The following TENM1 variants were observed in gnomAD, a reference collection of about 807,000 sequenced individuals.
TENM1 encodes the protein teneurin transmembrane protein 1, also known as teneurin-1.
Under a neutral mutation model 174.8 loss-of-function variants are expected in TENM1, and 35 were observed. The observed-to-expected ratio is 0.20, with a 90% CI of 0.15 to 0.27. The LOEUF (loss-of-function observed/expected upper bound fraction) is 0.27, where lower values mean the gene tolerates loss of function less well. Ranked by LOEUF, TENM1 falls within the 10% of genes least tolerant of loss-of-function variation. The pLI is 1.00. For synonymous variants in TENM1, 781 were observed against 798.7 expected (o/e 0.98, Z 0.37); for missense variants, 1,633 against 2,130.1 (o/e 0.77, Z 4.59).
chrX:124,767,314 T>C (rs1292134242), intron 3 of TENM1, among the ~76,000 whole-genome samples: 1 of 111,564 alleles, frequency 9.0e-6, no homozygotes, highest in East Asian at 2.8e-4. Context: ...AACATTATCA[T>C]GAGTATTTGT....
At chrX:124,972,627 A>G in the TENM1 span, among the ~76,000 whole-genome samples, 1 of 112,325 alleles carries the variant, frequency 8.9e-6, no homozygotes, top group East Asian at 2.8e-4. Flanking sequence ...GTCTGATTTT[A>G]TCATGGAATT....
At chrX:124,501,763 T>C (rs1195024470) in intron 19 of TENM1, among the ~76,000 whole-genome samples, 1 of 111,384 alleles carries the variant, frequency 9.0e-6, no homozygotes, top group Admixed American at 9.6e-5. Context: ...TCCATCACAC[T>C]TATCATTCCT....
the TENM1 span, among the ~76,000 whole-genome samples, chrX:124,992,414 CCTT>C: frequency 9.0e-6 from 1 of 111,188 alleles, no homozygotes; most frequent in Non-Finnish European, 1.9e-5. Flanking sequence ...TTCTCTCTGA[CCTT>C]CTCCTGCCCT....
At chrX:124,936,996 C>T (rs1001986458) in intron 1 of TENM1, among the ~76,000 whole-genome samples, 3 of 107,354 alleles carry the variant, frequency 2.8e-5, no homozygotes, top group African/African-American at 6.9e-5. Flanking sequence ...CAGTGAACCA[C>T]GATCACGCCA....
intron 3 of TENM1, among the ~76,000 whole-genome samples, chrX:124,771,510 A>G (rs2054653381): frequency 1.8e-5 from 2 of 112,576 alleles, no homozygotes; most frequent in Non-Finnish European, 1.9e-5. Flanking sequence ...TAACTTCAAG[A>G]AGGAATTATG....
chrX:124,432,811 T>C lies in TENM1; in HGVS notation c.4105-10173A>G, dbSNP rs188689087. 4.4e-3 allele frequency among the ~76,000 whole-genome samples: 488 copies of C among 111,897 alleles called. 2 individuals carry two copies. Among genetic ancestry groups the C allele is most frequent in the Non-Finnish European group, 7.5e-3 (397 of 53,210 alleles). ...TGCAATTATCTGTAGTCAAGTGAAGTTCCAGGCAATAATATGTAAGAGGAA... is the reference window on the plus strand; with the variant it reads ...TGCAATTATCTGTAGTCAAGTGAAGCTCCAGGCAATAATATGTAAGAGGAA... On this transcript the variant is annotated intron_variant, in intron 23 of 31. Coordinates refer to ENST00000422452, the Ensembl canonical transcript of TENM1.
chrX:125,042,275 G>C, the TENM1 span, among the ~76,000 whole-genome samples: 1 of 111,642 alleles, frequency 9.0e-6, no homozygotes, highest in Non-Finnish European at 1.9e-5. Context: ...CTAGAGGTTT[G>C]AATCAGGCTT....
intron 11 of TENM1, among the ~76,000 whole-genome samples, chrX:124,592,758 T>G (rs2049789414): frequency 1.5e-5 from 1 of 64,781 alleles, no homozygotes; most frequent in Non-Finnish European, 2.7e-5. Context: ...GCCTTACTGT[T>G]TTTTTTTTTT....
chrX:124,739,401 C>T (rs1323207345), intron 3 of TENM1, among the ~76,000 whole-genome samples: 5 of 111,726 alleles, frequency 4.5e-5, no homozygotes, highest in African/African-American at 6.5e-5. Flanking sequence ...ATGAGAAACC[C>T]AAGACCCAAA....
At chrX:125,059,130 A>AT in the TENM1 span, among the ~76,000 whole-genome samples, 1 of 109,940 alleles carries the variant, frequency 9.1e-6, no homozygotes, top group African/African-American at 3.3e-5. Context: ...TGAAAAAGGA[A>AT]TGAAATTGCC....
chrX:125,012,723 A>C, the TENM1 span, among the ~76,000 whole-genome samples: 2 of 112,163 alleles, frequency 1.8e-5, no homozygotes, highest in Non-Finnish European at 3.8e-5. Context: ...AATGTGAATT[A>C]GCTTTTGTTA....
upstream of TENM1, among the ~76,000 whole-genome samples, chrX:124,965,695 CAT>C (rs762218966): frequency 0.13 from 13,938 of 107,780 alleles, 2,266 homozygotes; most frequent in African/African-American, 0.44. Context: ...TGAACATATA[CAT>C]ATATATATAT....
chrX:124,549,616 G>A (rs965874826), intron 14 of TENM1, among the ~76,000 whole-genome samples: 3 of 111,324 alleles, frequency 2.7e-5, no homozygotes, highest in African/African-American at 9.8e-5. Context: ...TACATTCCAA[G>A]CTAATGTTTC....
intron 11 of TENM1, among the ~76,000 whole-genome samples, chrX:124,637,215 G>A (rs183010128): frequency 1.6e-3 from 171 of 109,018 alleles, no homozygotes; most frequent in Admixed American, 0.015. Context: ...TCAGCCTCCC[G>A]AGTAGATGGG....
At chrX:124,514,077 T>C (rs1348517607) in intron 18 of TENM1, among the ~76,000 whole-genome samples, 1 of 111,278 alleles carries the variant, frequency 9.0e-6, no homozygotes, top group Non-Finnish European at 1.9e-5. Context: ...ATATTGGTGG[T>C]AGTTGTACAA....
At chrX:124,420,477 A>G in exon 25 of TENM1, 7 of 1,212,251 alleles carry the variant, frequency 5.8e-6, no homozygotes, top group Non-Finnish European at 7.8e-6. Context: ...ACCACAAGCC[A>G]TAGCGGCATT....
intron 3 of TENM1, among the ~76,000 whole-genome samples, chrX:124,750,326 T>G (rs900265222): frequency 2.7e-5 from 3 of 111,308 alleles, no homozygotes; most frequent in African/African-American, 9.8e-5. Context: ...GCTAATCATT[T>G]CTGGGGGGAA....
intron 22 of TENM1, among the ~76,000 whole-genome samples, chrX:124,465,288 G>T (rs898176379): frequency 9.0e-6 from 1 of 111,479 alleles, no homozygotes; most frequent in Non-Finnish European, 1.9e-5. Context: ...TTGCTCTGTC[G>T]CCCAGGCTGG....
At chrX:124,845,026 G>T (rs1340613030) in intron 3 of TENM1, among the ~76,000 whole-genome samples, 1 of 111,296 alleles carries the variant, frequency 9.0e-6, no homozygotes, top group East Asian at 2.8e-4. Context: ...GACTAGTAGG[G>T]CCATTATTAC....
Sources: gnomAD v4.1 joint callset for allele counts (sites outside exome capture counted in the v4.1 genomes callset) on GRCh38, gnomAD v4.1.1 for gene constraint, MANE v1.5 for transcripts, NCBI Gene and HGNC (gene_info 2026-07-23, HGNC 2026-07-21) for gene names.